The following FAM8A1 variants were observed in gnomAD, a reference collection of about 807,000 sequenced individuals.
FAM8A1 encodes protein FAM8A1.
Under a neutral mutation model 38.3 loss-of-function variants are expected in FAM8A1, and 18 were observed. The ratio of observed to expected loss-of-function variants is 0.47; its 90% CI spans 0.33 to 0.70. The LOEUF (loss-of-function observed/expected upper bound fraction) is 0.70, where lower values mean the gene tolerates loss of function less well. FAM8A1 is among the 30% of genes least tolerant of loss of function. The pLI, the probability that FAM8A1 is intolerant of heterozygous loss-of-function variation, is 0.03. For missense variants in FAM8A1, 559 were observed against 559.6 expected (o/e 1.00, Z 0.01); for synonymous variants, 246 against 234.4 (o/e 1.05, Z -0.45).
chr6:17,606,302 G>A (rs1581641337), intron 4 of FAM8A1, among the ~76,000 whole-genome samples: 1 of 150,168 alleles, frequency 6.7e-6, no homozygotes, highest in African/African-American at 2.5e-5. Flanking sequence ...CCAGGTTCAC[G>A]CCATTCTCCT....
chr6:17,602,778 T>TGTTTGTCTACAC (rs1479264424), intron 2 of FAM8A1, 68 bp downstream of exon 2: 1 of 1,517,030 alleles, frequency 6.6e-7, no homozygotes, highest in Non-Finnish European at 8.9e-7. Flanking sequence ...TATTACATTC[T>TGTTTGTCTACAC]GTTTGTCTAC....
chr6:17,605,781 A>C (rs1764044301), intron 3 of FAM8A1, 93 bp from the exon 4 acceptor site: 16 of 1,309,448 alleles, frequency 1.2e-5, no homozygotes, highest in Non-Finnish European at 1.6e-5. Flanking sequence ...CAACTTGAAA[A>C]ATTTAAAACA....
chr6:17,605,660 CAT>C (rs1324315052), intron 3 of FAM8A1, among the ~76,000 whole-genome samples: 5 of 152,128 alleles, frequency 3.3e-5, no homozygotes, highest in African/African-American at 1.2e-4. Flanking sequence ...GTATAGTAGT[CAT>C]AGAGAAATAT....
Position 17,608,823 on chromosome 6 carries a change from C to T in FAM8A1, c.*484C>T, listed in dbSNP as rs368898902. Reference sequence around the variant, plus strand: ...GGAATGAGAACACAAATTGGATAATCCACTGTCTCCCATCCCAGGAGGTGG... The same window carrying T: ...GGAATGAGAACACAAATTGGATAATTCACTGTCTCCCATCCCAGGAGGTGG... On this transcript the variant is annotated 3_prime_UTR_variant, in exon 5 of 5. Coordinates refer to ENST00000259963, the MANE Select transcript of FAM8A1 (RefSeq NM_016255.3). The T allele has an allele frequency of 2.0e-5, 3 of 152,222 alleles. No homozygotes were observed. The East Asian group carries it at 5.8e-4, about 29-fold the overall frequency. 9.4% of individuals were successfully genotyped at this position (152,222 alleles called of 1,614,324 possible).
chr6:17,607,510 A>ATATACTATAGGTAGTG (rs1764072266), intron 4 of FAM8A1, among the ~76,000 whole-genome samples: 3 of 149,092 alleles, frequency 2.0e-5, no homozygotes, highest in African/African-American at 7.8e-5. Context: ...TATAGGTAGT[A>ATATACTATAGGTAGTG]TCTATATACT....
rs1764112818 is a variant in FAM8A1 at position 17,609,826 on chromosome 6, A to G, written c.*1487A>G. 2 of 152,188 alleles carry G rather than the reference A, an allele frequency of 1.3e-5. No individual in the cohort carries two copies. The highest frequency in any genetic ancestry group is 1.3e-4 in the Admixed American group (2 of 15,274). 9.4% of individuals were successfully genotyped at this position (152,188 alleles called of 1,614,324 possible). ...TTAACAGCAAACACAGCACATATCT[A>G]TTATCACTATATTAATTTTCAAAGG... is the stretch of plus-strand genomic sequence containing the variant. On this transcript the variant is annotated 3_prime_UTR_variant, in exon 5 of 5. Transcript: ENST00000259963.
In FAM8A1 at chr6:17,605,942, A is replaced by ATG. The variant is rs1561841768; in HGVS notation, c.1029_1030dup (p.Asp344ValfsTer13). The ATG allele has an allele frequency of 6.3e-7, 1 of 1,590,626 alleles. No homozygotes were observed. Among genetic ancestry groups the ATG allele is most frequent in the Non-Finnish European group, 8.6e-7 (1 of 1,164,234 alleles). On this transcript the variant is annotated frameshift_variant, in exon 4 of 5. Coordinates refer to ENST00000259963, the MANE Select transcript of FAM8A1 (RefSeq NM_016255.3). LOFTEE classifies it high-confidence loss of function. ...TCCTGCTGGGGCTTCGAGTTGTGAC[A>ATG]TGTGATACATCAGTGCTTATTGCAC...
At chr6:17,603,464 T>TA (rs1440792096) in intron 2 of FAM8A1, among the ~76,000 whole-genome samples, 3 of 152,192 alleles carry the variant, frequency 2.0e-5, no homozygotes, top group African/African-American at 7.2e-5. Context: ...AGAAACCTGT[T>TA]ACTGTGATTC....
At position 17,608,706 on chromosome 6, in the gene FAM8A1, T is replaced by C. The variant is rs991682318; in HGVS notation, c.*367T>C. 2 of 159,994 alleles carry C rather than the reference T, an allele frequency of 1.3e-5. 1 individual carries two copies. The highest frequency in any genetic ancestry group is 2.7e-5 in the Non-Finnish European group (2 of 73,476). The allele number at this position is 159,994 out of a possible 1,614,324, so 9.9% of individuals were successfully genotyped here. A position where few individuals can be genotyped will look rare whatever the true frequency, so the allele number is the denominator to read the frequency against. Reference sequence around the variant, plus strand: ...TTTATTTTGGTTTATCCCAAAATAATGGAAAATGTCCAGTTGTGTTTTGTA... The same window carrying C: ...TTTATTTTGGTTTATCCCAAAATAACGGAAAATGTCCAGTTGTGTTTTGTA... On this transcript the variant is annotated 3_prime_UTR_variant, in exon 5 of 5. Coordinates refer to ENST00000259963, the MANE Select transcript of FAM8A1 (RefSeq NM_016255.3).
In FAM8A1 at chr6:17,600,557, C is replaced by T. The variant is rs777931850; in HGVS notation, c.148C>T (p.Pro50Ser). 2 of 1,501,638 alleles carry T rather than the reference C, an allele frequency of 1.3e-6. No homozygotes were observed. Among genetic ancestry groups the T allele is most frequent in the South Asian group, 2.5e-5 (2 of 79,398 alleles). 93.0% of individuals were successfully genotyped at this position (1,501,638 alleles called of 1,614,324 possible). ...RDDPQAEPQA[P>S]GRPTAPGLAA... ...CGACCCCCAGGCCGAACCCCAGGCC[C>T]CGGGCCGGCCCACAGCCCCGGGCCT... Residue 50 changes from proline (P) to serine (S), a missense_variant, in exon 1 of 5, where the codon CCG becomes TCG. Pro to Ser is a moderately conservative substitution (Grantham distance 74). This residue lies in a region of FAM8A1 where 393 missense variants were observed against 338.9 expected (regional missense o/e 1.16). Transcript: ENST00000259963.
intron 3 of FAM8A1, 148 bp from the exon 4 acceptor site, chr6:17,605,726 C>A: frequency 1.5e-6 from 1 of 664,804 alleles, no homozygotes; most frequent in Non-Finnish European, 2.3e-6. Context: ...TACAGAAATG[C>A]ATAAAGTTAA....
chr6:17,607,822 A>C (rs1239392993), intron 4 of FAM8A1, among the ~76,000 whole-genome samples: 2 of 152,214 alleles, frequency 1.3e-5, no homozygotes, highest in African/African-American at 4.8e-5. Context: ...TTTTTTCTAT[A>C]AGGTAGACAA....
At chr6:17,607,798 C>A (rs911573015) in intron 4 of FAM8A1, among the ~76,000 whole-genome samples, 1 of 152,152 alleles carries the variant, frequency 6.6e-6, no homozygotes, top group Non-Finnish European at 1.5e-5. Context: ...ACACACAGTA[C>A]TTTAAAATGC....
Position 17,610,850 on chromosome 6 carries a change from A to G in FAM8A1, c.*2511A>G, listed in dbSNP as rs1264600132. On this transcript the variant is annotated 3_prime_UTR_variant, in exon 5 of 5. Transcript: ENST00000259963. Reference sequence around the variant, plus strand: ...TAAGATAAACCAGAATTGGCAGTTAATTTAGGCGTCTAGAAAATCTCAGTT... The same window carrying G: ...TAAGATAAACCAGAATTGGCAGTTAGTTTAGGCGTCTAGAAAATCTCAGTT... 1 of 152,156 alleles carries G rather than the reference A, an allele frequency of 6.6e-6. No individual in the cohort carries two copies. Among genetic ancestry groups the G allele is most frequent in the African/African-American group, 2.4e-5 (1 of 41,456 alleles). The allele number at this position is 152,156 out of a possible 1,614,324, so 9.4% of individuals were successfully genotyped here.
rs1764118105 is a variant in FAM8A1 at position 17,610,090 on chromosome 6, T to C, written c.*1751T>C. The C allele has an allele frequency of 6.6e-6, 1 of 151,210 alleles. No homozygotes were observed. Among genetic ancestry groups the C allele is most frequent in the African/African-American group, 2.4e-5 (1 of 41,142 alleles). 9.4% of individuals were successfully genotyped at this position (151,210 alleles called of 1,614,324 possible). On this transcript the variant is annotated 3_prime_UTR_variant, in exon 5 of 5. Coordinates refer to ENST00000259963, the MANE Select transcript of FAM8A1 (RefSeq NM_016255.3). ...CCCTTCACAGTGAAAAAAAGAAAAA[T>C]CTTTCATTTTTAAAATTAGGAGATG...
intron 4 of FAM8A1, 91 bp from the exon 5 acceptor site, chr6:17,608,104 T>C: frequency 7.3e-7 from 1 of 1,360,576 alleles, no homozygotes; most frequent in Non-Finnish European, 1.0e-6. Context: ...CAATTGTGTT[T>C]TAAATGTCTA....
intron 4 of FAM8A1, among the ~76,000 whole-genome samples, chr6:17,607,466 CTCTA>C (rs1389921803): frequency 2.1e-4 from 4 of 19,072 alleles, no homozygotes; most frequent in Admixed American, 6.0e-4. Context: ...TATAGGTAGT[CTCTA>C]TCTATATACT....
rs371281776 is a variant in FAM8A1 at position 17,605,701 on chromosome 6, G to C, written c.958-173G>C. Among the ~76,000 whole-genome samples the C allele has an allele frequency of 2.2e-4, 33 of 152,302 alleles. No homozygotes were observed. In the South Asian group the frequency reaches 5.0e-3, roughly 23 times the overall value. On this transcript the variant is annotated intron_variant, in intron 3 of 4. Coordinates refer to ENST00000259963, the MANE Select transcript of FAM8A1 (RefSeq NM_016255.3). Reference sequence around the variant, plus strand: ...AGGAGACAGACATCTTGTGGTATTGGACATGTTAGAGACCTACAGAAATGC... The same window carrying C: ...AGGAGACAGACATCTTGTGGTATTGCACATGTTAGAGACCTACAGAAATGC...
At position 17,600,309 on chromosome 6, in the gene FAM8A1, C is replaced by A; in HGVS notation, c.-101C>A. On this transcript the variant is annotated 5_prime_UTR_variant, in exon 1 of 5. Coordinates refer to ENST00000259963, the MANE Select transcript of FAM8A1 (RefSeq NM_016255.3). ...CGCTTCCGGCGGGGGATTGTTGACG[C>A]CTGCGGTTGCTGCGGTGGTGACGGG... 1 of 1,268,002 alleles carries A rather than the reference C, an allele frequency of 7.9e-7. No homozygotes were observed. The allele number at this position is 1,268,002 out of a possible 1,614,324, so 78.5% of individuals were successfully genotyped here. A position where few individuals can be genotyped will look rare whatever the true frequency, so the allele number is the denominator to read the frequency against.
Sources: gnomAD v4.1 joint callset for allele counts (sites outside exome capture counted in the v4.1 genomes callset) on GRCh38, gnomAD v4.1.1 for gene constraint, gnomAD v4.1.1 regional missense constraint, MANE v1.5 for transcripts, NCBI Gene and HGNC (gene_info 2026-07-23, HGNC 2026-07-21) for gene names.